The following AFG2A variants were observed in gnomAD, a reference collection of about 807,000 sequenced individuals.
The protein encoded by AFG2A is ATPase family gene 2 protein homolog A.
the AFG2A span, among the ~76,000 whole-genome samples, chr4:123,221,211 G>A: frequency 8.5e-5 from 13 of 152,166 alleles, no homozygotes; most frequent in Middle Eastern, 3.4e-3. Context: ...GCTGGGGTGC[G>A]GTGGCACAAT....
chr4:123,052,737 A>AT, the AFG2A span, among the ~76,000 whole-genome samples: 86 of 152,316 alleles, frequency 5.6e-4, no homozygotes, highest in Middle Eastern at 0.017. Context: ...AAAGGAGTTT[A>AT]TTAAGGAGAA....
the AFG2A span, among the ~76,000 whole-genome samples, chr4:123,215,071 T>C: frequency 6.6e-6 from 1 of 152,138 alleles, no homozygotes; most frequent in Non-Finnish European, 1.5e-5. Flanking sequence ...TTTTTTAAGA[T>C]ATATTTTGAA....
chr4:122,931,202 A>G, the AFG2A span, among the ~76,000 whole-genome samples: 29 of 152,340 alleles, frequency 1.9e-4, no homozygotes, highest in African/African-American at 6.5e-4. Context: ...CAATTTAAGT[A>G]TAACTTGGTT....
At chr4:123,288,906 T>G in the AFG2A span, among the ~76,000 whole-genome samples, 5 of 152,308 alleles carry the variant, frequency 3.3e-5, no homozygotes, top group African/African-American at 1.2e-4. Flanking sequence ...CATTTGCTAA[T>G]CAGGCCTCAT....
At chr4:123,182,628 C>T in the AFG2A span, among the ~76,000 whole-genome samples, 4 of 152,188 alleles carry the variant, frequency 2.6e-5, no homozygotes, top group African/African-American at 4.8e-5. Flanking sequence ...TTTGCATTTG[C>T]TCCATTCCCT....
the AFG2A span, among the ~76,000 whole-genome samples, chr4:123,269,756 C>T: frequency 1.6e-5 from 1 of 62,578 alleles, no homozygotes; most frequent in Non-Finnish European, 4.8e-5. Context: ...CCTTCGTCCC[C>T]CTTAATGCAT....
chr4:123,006,056 A>G, the AFG2A span, among the ~76,000 whole-genome samples: 1 of 148,156 alleles, frequency 6.7e-6, no homozygotes, highest in Non-Finnish European at 1.5e-5. Context: ...TGAAGTGCTT[A>G]CTTTAACATT....
At chr4:123,089,689 A>G in the AFG2A span, among the ~76,000 whole-genome samples, 2 of 152,002 alleles carry the variant, frequency 1.3e-5, no homozygotes, top group Middle Eastern at 3.4e-3. Context: ...GGTTCAAGGT[A>G]TTCTCATGCT....
At chr4:123,175,056 C>A in the AFG2A span, among the ~76,000 whole-genome samples, 1 of 152,168 alleles carries the variant, frequency 6.6e-6, no homozygotes, top group East Asian at 1.9e-4. Context: ...CTCCTGGGGT[C>A]AGGCAAGCCA....
chr4:122,976,983 C>T, the AFG2A span, among the ~76,000 whole-genome samples: 29 of 152,208 alleles, frequency 1.9e-4, no homozygotes, highest in Non-Finnish European at 3.4e-4. Flanking sequence ...ATTGCCAAAA[C>T]TAAGTGCTTG....
the AFG2A span, among the ~76,000 whole-genome samples, chr4:123,300,463 T>C: frequency 6.6e-6 from 1 of 152,134 alleles, no homozygotes; most frequent in East Asian, 1.9e-4. Context: ...TCCTTTTTAG[T>C]GGACCTGCAG....
chr4:122,934,791 A>G, the AFG2A span: 1 of 1,511,776 alleles, frequency 6.6e-7, no homozygotes, highest in Admixed American at 2.3e-5. Flanking sequence ...AAATTAAAAG[A>G]CAGTTGACAC....
At chr4:123,315,564 C>T in the AFG2A span, 2 of 151,888 alleles carry the variant, frequency 1.3e-5, no homozygotes, top group Admixed American at 1.3e-4. Context: ...GTTATTTATC[C>T]TCAGGATTTC....
At chr4:123,067,343 C>G in the AFG2A span, among the ~76,000 whole-genome samples, 1 of 151,872 alleles carries the variant, frequency 6.6e-6, no homozygotes, top group Non-Finnish European at 1.5e-5. Flanking sequence ...ATGGCGAAAC[C>G]CCATCTCTAC....
the AFG2A span, among the ~76,000 whole-genome samples, chr4:123,127,152 C>T: frequency 3.3e-5 from 5 of 152,096 alleles, no homozygotes; most frequent in Admixed American, 6.5e-5. Flanking sequence ...TATGGTGATC[C>T]GTGATCTTGC....
At chr4:123,048,511 T>TTA in the AFG2A span, among the ~76,000 whole-genome samples, 1 of 152,196 alleles carries the variant, frequency 6.6e-6, no homozygotes, top group Non-Finnish European at 1.5e-5. Context: ...TGTTCATTTT[T>TTA]TATGTGTGTC....
chr4:122,946,754 A>T, the AFG2A span, among the ~76,000 whole-genome samples: 40 of 152,186 alleles, frequency 2.6e-4, no homozygotes, highest in Non-Finnish European at 4.6e-4. Flanking sequence ...TATCCATATT[A>T]AAAAAACTAG....
chr4:123,160,397 A>G, the AFG2A span, among the ~76,000 whole-genome samples: 1 of 152,210 alleles, frequency 6.6e-6, no homozygotes, highest in Non-Finnish European at 1.5e-5. Context: ...TATAATTTTT[A>G]CATCAGCTCA....
the AFG2A span, chr4:122,927,616 T>G: frequency 6.3e-7 from 1 of 1,590,578 alleles, no homozygotes; most frequent in Non-Finnish European, 8.5e-7. Context: ...ACAAAAATAA[T>G]TTTCTTTTCC....
Sources: allele counts gnomAD v4.1 joint callset (sites outside exome capture counted in the v4.1 genomes callset), GRCh38; gene constraint gnomAD v4.1.1; transcripts MANE v1.5; gene names NCBI Gene and HGNC (gene_info 2026-07-23, HGNC 2026-07-21).